The following NUDT5 variants were observed in gnomAD, a reference collection of about 807,000 sequenced individuals.
NUDT5 encodes the protein ADP-sugar pyrophosphatase.
NUDT5 carries 21 observed loss-of-function variants against 34.1 expected under a neutral mutation model. The observed-to-expected ratio is 0.62, with a 90% CI of 0.44 to 0.89. The LOEUF (loss-of-function observed/expected upper bound fraction) is 0.89, where lower values mean the gene tolerates loss of function less well. Among genes scored for constraint, NUDT5 ranks in the 40% least tolerant of loss-of-function variants. NUDT5 has a pLI of 0.00. For synonymous variants in NUDT5, 85 were observed against 97.6 expected (o/e 0.87, Z 0.76); for missense variants, 249 against 274.8 (o/e 0.91, Z 0.66).
rs569772585 is a variant in NUDT5 at position 12,173,079 on chromosome 10, G to A, written c.386-213C>T. 3.9e-5 allele frequency among the ~76,000 whole-genome samples: 6 copies of A among 152,306 alleles called. No homozygotes were observed. Among genetic ancestry groups the A allele is most frequent in the East Asian group, 3.9e-4 (2 of 5,184 alleles). On this transcript the variant is annotated intron_variant, in intron 6 of 9. Coordinates refer to ENST00000491614, the MANE Select transcript of NUDT5 (RefSeq NM_014142.4). This position sits in a 1 kb window ranked among gnomAD's most constrained non-coding sequence, Gnocchi z 4.7. The stretch of plus-strand genomic sequence containing the variant: ...CTCGAGTCAAGCTTGCTAGGTCTGC[G>A]GGGTTAGATGGTACTGTCAAGTCAT...
Position 12,181,877 on chromosome 10 carries a change from G to A in NUDT5, c.132-2745C>T, listed in dbSNP as rs1185645408. ...GATATGGCCGGATGCGGTGGCTCAC[G>A]ACTGTAGTCCTAGCACTTTGGGAGG... On this transcript the variant is annotated intron_variant, in intron 3 of 9. Coordinates refer to ENST00000491614, the MANE Select transcript of NUDT5 (RefSeq NM_014142.4). This position sits in a 1 kb window ranked among gnomAD's most constrained non-coding sequence, Gnocchi z 5.0. 2.0e-5 allele frequency among the ~76,000 whole-genome samples: 3 copies of A among 151,910 alleles called. No individual in the cohort carries two copies. The highest frequency in any genetic ancestry group is 7.3e-5 in the African/African-American group (3 of 41,260).
At chr10:12,178,207 C>T (rs1384872293) in intron 4 of NUDT5, among the ~76,000 whole-genome samples, 1 of 152,138 alleles carries the variant, frequency 6.6e-6, no homozygotes, top group Non-Finnish European at 1.5e-5. Context: ...ACTGACCTTC[C>T]ACAGAACCAC....
Position 12,173,929 on chromosome 10 carries a change from C to T in NUDT5, c.290-116G>A, listed in dbSNP as rs192576328. 8,526 of 724,668 alleles carry T rather than the reference C, an allele frequency of 0.012. 83 individuals carry two copies. The highest frequency in any genetic ancestry group is 0.017 in the South Asian group (1,107 of 65,796). 44.9% of individuals were successfully genotyped at this position (724,668 alleles called of 1,614,324 possible). A position where few individuals can be genotyped will look rare whatever the true frequency, so the allele number is the denominator to read the frequency against. ...TCGCCCAGGCTGGAGTGCAGTGGTG[C>T]GATCTCGGCCCACTGCAACCTCCGC... On this transcript the variant is annotated intron_variant, in intron 5 of 9. Coordinates refer to ENST00000491614, the MANE Select transcript of NUDT5 (RefSeq NM_014142.4). This position sits in a 1 kb window ranked among gnomAD's most constrained non-coding sequence, Gnocchi z 4.7.
chr10:12,177,908 C>T lies in NUDT5; in HGVS notation c.182-8G>A. 6.2e-7 allele frequency: 1 copy of T among 1,609,578 alleles called. No individual in the cohort carries two copies. ...CGGGGATGACCGCGACACCTGTCAC[C>T]AGGAAATGGAACCAAGGAAATCCCT... On this transcript the variant is annotated splice_region_variant and splice_polypyrimidine_tract_variant and intron_variant, in intron 4 of 9. Coordinates refer to ENST00000491614, the MANE Select transcript of NUDT5 (RefSeq NM_014142.4).
chr10:12,171,433 T>A lies in NUDT5; in HGVS notation c.488-525A>T, dbSNP rs1486088238. 6.6e-6 allele frequency among the ~76,000 whole-genome samples: 1 copy of A among 152,172 alleles called. No homozygotes were observed. The highest frequency in any genetic ancestry group is 1.5e-5 in the Non-Finnish European group (1 of 68,030). ...CATCATGTTATCGCATGTTTCAGCG[T>A]GTATGTGTGTTTGTGTGTATACCAC... On this transcript the variant is annotated intron_variant, in intron 7 of 9. Coordinates refer to ENST00000491614, the MANE Select transcript of NUDT5 (RefSeq NM_014142.4). The surrounding 1 kb of genome is among the most constrained non-coding windows in gnomAD (Gnocchi z 4.2).
chr10:12,182,423 G>A lies in NUDT5; in HGVS notation c.131+2466C>T, dbSNP rs1280312174. On this transcript the variant is annotated intron_variant, in intron 3 of 9. Coordinates refer to ENST00000491614, the MANE Select transcript of NUDT5 (RefSeq NM_014142.4). The surrounding 1 kb of genome is among the most constrained non-coding windows in gnomAD (Gnocchi z 4.3). ...ATAAATTATACATCGTGGCATACAG[G>A]AAAGTACAAAGACTCATTCTTCAAA... Among the ~76,000 whole-genome samples the A allele has an allele frequency of 1.3e-5, 2 of 152,166 alleles. No individual in the cohort carries two copies. Among genetic ancestry groups the A allele is most frequent in the African/African-American group, 4.8e-5 (2 of 41,438 alleles).
chr10:12,169,389 C>T lies in NUDT5; in HGVS notation c.550+1328G>A, dbSNP rs1191079184. On this transcript the variant is annotated intron_variant, in intron 9 of 9. Transcript: ENST00000491614. This position sits in a 1 kb window ranked among gnomAD's most constrained non-coding sequence, Gnocchi z 4.8. ...TCACCCTGCTTTCCACGCACCTCCT[C>T]AGAGGGAGGGGCTGTTATTGTTCCT... The T allele has an allele frequency of 3.6e-6, 4 of 1,108,524 alleles. No homozygotes were observed. The highest frequency in any genetic ancestry group is 5.2e-6 in the Non-Finnish European group (4 of 762,362). 68.7% of individuals were successfully genotyped at this position (1,108,524 alleles called of 1,614,324 possible). A position where few individuals can be genotyped will look rare whatever the true frequency, so the allele number is the denominator to read the frequency against.
intron 5 of NUDT5, among the ~76,000 whole-genome samples, chr10:12,176,414 G>T (rs1458136836): frequency 6.6e-6 from 1 of 151,484 alleles, no homozygotes; most frequent in African/African-American, 2.4e-5. Flanking sequence ...GACCAATCTG[G>T]TGAACATGGT....
At position 12,167,048 on chromosome 10, in the gene NUDT5, C is replaced by T. The variant is rs919609666; in HGVS notation, c.*654G>A. The T allele has an allele frequency of 2.3e-5, 4 of 177,670 alleles. No individual in the cohort carries two copies. The highest frequency in any genetic ancestry group is 3.4e-4 in the East Asian group (2 of 5,902). 11.0% of individuals were successfully genotyped at this position (177,670 alleles called of 1,614,324 possible). A position where few individuals can be genotyped will look rare whatever the true frequency, so the allele number is the denominator to read the frequency against. ...ATCCTCAAGCACGTGCAGATGCTTG[C>T]GGGATGGACCTGAATTTTCATTAGT... On this transcript the variant is annotated 3_prime_UTR_variant, in exon 10 of 10. Coordinates refer to ENST00000491614, the MANE Select transcript of NUDT5 (RefSeq NM_014142.4).
At chr10:12,189,539 A>G (rs987856090) in intron 1 of NUDT5, among the ~76,000 whole-genome samples, 1 of 152,364 alleles carries the variant, frequency 6.6e-6, no homozygotes, top group Middle Eastern at 3.4e-3. Context: ...ATTCCCAAAC[A>G]TTTCAGAAGG....
chr10:12,191,732 A>C (rs1362717135), intron 1 of NUDT5, among the ~76,000 whole-genome samples: 1 of 152,196 alleles, frequency 6.6e-6, no homozygotes, highest in Non-Finnish European at 1.5e-5. Flanking sequence ...AAAATGAAAA[A>C]ACAAACACCA....
At position 12,166,854 on chromosome 10, in the gene NUDT5, A is replaced by G. The variant is rs148395017; in HGVS notation, c.*848T>C. 6.9e-4 allele frequency: 296 copies of G among 430,050 alleles called. No individual in the cohort carries two copies. The highest frequency in any genetic ancestry group is 1.2e-3 in the Non-Finnish European group (256 of 208,582). 26.6% of individuals were successfully genotyped at this position (430,050 alleles called of 1,614,324 possible). A position where few individuals can be genotyped will look rare whatever the true frequency, so the allele number is the denominator to read the frequency against. On this transcript the variant is annotated 3_prime_UTR_variant, in exon 10 of 10. Transcript: ENST00000491614. ...GGTTTCAGGCATGGGAACCAGATCA[A>G]TCTGTACTTCTTGCTGTGAACTACT...
At chr10:12,177,223 CA>C (rs1044257982) in intron 5 of NUDT5, among the ~76,000 whole-genome samples, 1 of 151,920 alleles carries the variant, frequency 6.6e-6, no homozygotes, top group Admixed American at 6.6e-5. Context: ...GGCAATTACT[CA>C]AAAGGCTGGA....
At chr10:12,190,140 C>G (rs375375177) in intron 1 of NUDT5, among the ~76,000 whole-genome samples, 1 of 152,302 alleles carries the variant, frequency 6.6e-6, no homozygotes, top group Middle Eastern at 3.4e-3. Context: ...CCACCCGCCT[C>G]GGCCTGCCAA....
chr10:12,192,354 AT>A (rs199940872), intron 1 of NUDT5, among the ~76,000 whole-genome samples: 1 of 151,528 alleles, frequency 6.6e-6, no homozygotes, highest in Admixed American at 6.6e-5. Context: ...GAGAGGATCA[AT>A]TTTTTTTGCA....
rs1835149495 is a variant in NUDT5 at position 12,187,508 on chromosome 10, A to T, written c.-41-1176T>A. Among the ~76,000 whole-genome samples the T allele has an allele frequency of 6.6e-6, 1 of 152,060 alleles. No homozygotes were observed. The highest frequency in any genetic ancestry group is 6.6e-5 in the Admixed American group (1 of 15,266). ...TTCGGACCTTGCCTGTCCGAAGGTCAAAGTCTTTTTTTCTTACCCACACAC... is the reference window on the plus strand; with the variant it reads ...TTCGGACCTTGCCTGTCCGAAGGTCTAAGTCTTTTTTTCTTACCCACACAC... On this transcript the variant is annotated intron_variant, in intron 1 of 9. Coordinates refer to ENST00000491614, the MANE Select transcript of NUDT5 (RefSeq NM_014142.4). The surrounding 1 kb of genome is among the most constrained non-coding windows in gnomAD (Gnocchi z 5.4).
At chr10:12,174,427 C>T (rs148865830) in intron 5 of NUDT5, among the ~76,000 whole-genome samples, 275 of 152,076 alleles carry the variant, frequency 1.8e-3, no homozygotes, top group African/African-American at 6.4e-3. Flanking sequence ...CCACCATGCT[C>T]GGCTAATTTT....
intron 5 of NUDT5, among the ~76,000 whole-genome samples, chr10:12,174,644 C>CATCAT (rs1407100604): frequency 6.6e-6 from 1 of 152,208 alleles, no homozygotes; most frequent in East Asian, 1.9e-4. Context: ...GTTCTGAAGG[C>CATCAT]ATCATCCAGT....
At chr10:12,185,631 G>T (rs1835114175) in intron 2 of NUDT5, among the ~76,000 whole-genome samples, 2 of 152,226 alleles carry the variant, frequency 1.3e-5, no homozygotes, top group African/African-American at 4.8e-5. Flanking sequence ...CTTCTTGCCA[G>T]CAGCAACCTA....
Sources: gnomAD v4.1 joint callset for allele counts (sites outside exome capture counted in the v4.1 genomes callset) on GRCh38, gnomAD v4.1.1 for gene constraint, Gnocchi (gnomAD v3.1) non-coding constraint, MANE v1.5 for transcripts, NCBI Gene and HGNC (gene_info 2026-07-23, HGNC 2026-07-21) for gene names.